DLGAP2: variants seen among roughly 807,000 people sequenced by gnomAD.
DLGAP2 encodes the protein DLG associated protein 2, also known as disks large-associated protein 2.
In DLGAP2, 26 loss-of-function variants were observed where a neutral mutation model predicts 100.3. That is an observed-to-expected ratio of 0.26 (90% CI 0.19 to 0.36). The LOEUF (loss-of-function observed/expected upper bound fraction) is 0.36, where lower values mean the gene tolerates loss of function less well. DLGAP2 is among the 10% of genes least tolerant of loss of function. The pLI, the probability that DLGAP2 is intolerant of heterozygous loss-of-function variation, is 1.00. For missense variants in DLGAP2, 1,858 were observed against 1,453.2 expected, an observed-to-expected ratio of 1.28 and a Z score of -4.53; for synonymous variants, 886 against 630.1, an observed-to-expected ratio of 1.41 and a Z score of -6.08.
intron 3 of DLGAP2, among the ~76,000 whole-genome samples, chr8:1,450,933 C>G (rs61373448): frequency 0.075 from 11,381 of 152,170 alleles, 672 homozygotes; most frequent in East Asian, 0.27. Flanking sequence ...TGTTGCTTCT[C>G]TTTGTATAAT....
At chr8:812,716 A>G (rs1345855620) in intron 1 of DLGAP2, among the ~76,000 whole-genome samples, 1 of 152,208 alleles carries the variant, frequency 6.6e-6, no homozygotes, top group African/African-American at 2.4e-5. Flanking sequence ...AAGCTTTGAT[A>G]AGGACGGGGA....
At position 1,351,621 on chromosome 8, in the gene DLGAP2, C is replaced by T. The variant is rs1431920392; in HGVS notation, c.106+92738C>T. ...CGTCCTGCGTGTGGCGTGGAAAGGC[C>T]GTGCGGGTCCTGAGTGTGCGTGGAA... On this transcript the variant is annotated intron_variant, in intron 3 of 14. Transcript: ENST00000637795. 1.6e-4 allele frequency among the ~76,000 whole-genome samples: 10 copies of T among 62,404 alleles called. 2 individuals carry two copies. The highest frequency in any genetic ancestry group is 2.9e-4 in the Non-Finnish European group (9 of 30,552). The allele number at this position is 62,404 out of a possible 152,430, so 40.9% of individuals were successfully genotyped here.
chr8:1,034,059 C>A (rs868150856), intron 2 of DLGAP2, among the ~76,000 whole-genome samples: 1 of 68,428 alleles, frequency 1.5e-5, no homozygotes, highest in Non-Finnish European at 3.0e-5. Context: ...CGTGTCACCG[C>A]GAGTGGGTTC....
At position 982,883 on chromosome 8, in the gene DLGAP2, A is replaced by ATTT. The variant is rs35686773; in HGVS notation, c.73+74938_73+74940dup. ...ACACTCTAGGAATTTTAAAGGTAGGATTTTTTTTTTTTTTTTTTTTTTTAC... is the reference window on the plus strand; with the variant it reads ...ACACTCTAGGAATTTTAAAGGTAGGATTTTTTTTTTTTTTTTTTTTTTTTTTAC... On this transcript the variant is annotated intron_variant, in intron 2 of 14. Coordinates refer to ENST00000637795, the MANE Select transcript of DLGAP2 (RefSeq NM_001346810.2). Among the ~76,000 whole-genome samples, 153 of 117,284 alleles carry ATTT rather than the reference A, an allele frequency of 1.3e-3. 1 individual carries two copies. The highest frequency in any genetic ancestry group is 4.0e-3 in the African/African-American group (120 of 30,156). The allele number at this position is 117,284 out of a possible 152,430, so 76.9% of individuals were successfully genotyped here.
chr8:972,667 AG>A (rs985649925), intron 2 of DLGAP2, among the ~76,000 whole-genome samples: 29 of 145,682 alleles, frequency 2.0e-4, no homozygotes, highest in African/African-American at 6.4e-4. Context: ...TTTCTCGCAG[AG>A]GGGGATTTGG....
intron 8 of DLGAP2, among the ~76,000 whole-genome samples, chr8:1,634,646 C>T (rs577926681): frequency 2.0e-5 from 3 of 152,164 alleles, no homozygotes; most frequent in Admixed American, 6.5e-5. Flanking sequence ...GAGATCATTA[C>T]TCATACTTTC....
intron 2 of DLGAP2, among the ~76,000 whole-genome samples, chr8:1,000,082 G>T (rs941626170): frequency 1.0e-4 from 15 of 146,842 alleles, no homozygotes; most frequent in Non-Finnish European, 2.2e-4. Context: ...CCGGGTGGAG[G>T]TGGTTTTCTT....
chr8:838,037 A>G (rs944686922), intron 1 of DLGAP2, among the ~76,000 whole-genome samples: 1 of 151,904 alleles, frequency 6.6e-6, no homozygotes, highest in East Asian at 1.9e-4. Context: ...TGAAATTTAT[A>G]TATATTAATA....
At chr8:1,194,496 C>T (rs1168212373) in intron 2 of DLGAP2, among the ~76,000 whole-genome samples, 2 of 152,114 alleles carry the variant, frequency 1.3e-5, no homozygotes, top group Non-Finnish European at 2.9e-5. Flanking sequence ...TCCAGGTCAT[C>T]CCCAGGGGTC....
At chr8:969,557 T>C (rs1799964068) in intron 2 of DLGAP2, among the ~76,000 whole-genome samples, 1 of 151,396 alleles carries the variant, frequency 6.6e-6, no homozygotes. Context: ...AAAAAAAAGA[T>C]ATAAACTTAA....
intron 3 of DLGAP2, among the ~76,000 whole-genome samples, chr8:1,436,715 C>CA (rs1429695583): frequency 4.6e-5 from 7 of 152,100 alleles, no homozygotes; most frequent in Non-Finnish European, 4.4e-5. Flanking sequence ...CGCATTCACT[C>CA]CCCACTCACC....
chr8:1,332,633 G>T (rs552064068), intron 3 of DLGAP2, among the ~76,000 whole-genome samples: 3 of 152,272 alleles, frequency 2.0e-5, no homozygotes, highest in Non-Finnish European at 2.9e-5. Context: ...CAGGTCACAC[G>T]TCTAAGTGAC....
At chr8:939,138 G>A (rs1188567025) in intron 2 of DLGAP2, among the ~76,000 whole-genome samples, 1 of 141,060 alleles carries the variant, frequency 7.1e-6, no homozygotes, top group African/African-American at 2.7e-5. Context: ...GCCTGGGAGT[G>A]GGAGGTGCAG....
At position 1,255,196 on chromosome 8, in the gene DLGAP2, G is replaced by A. The variant is rs369619078; in HGVS notation, c.74-3655G>A. Among the ~76,000 whole-genome samples, 80 of 111,058 alleles carry A rather than the reference G, an allele frequency of 7.2e-4. No homozygotes were observed. The East Asian group carries it at 0.01, about 14-fold the overall frequency. The allele number at this position is 111,058 out of a possible 152,430, so 72.9% of individuals were successfully genotyped here. A position where few individuals can be genotyped will look rare whatever the true frequency, so the allele number is the denominator to read the frequency against. ...GTGTGCCCTCTCATCCTGCCTGGGT[G>A]CTGTGTGTGTGCCCTCTCATCCTGC... On this transcript the variant is annotated intron_variant, in intron 2 of 14. Coordinates refer to ENST00000637795, the MANE Select transcript of DLGAP2 (RefSeq NM_001346810.2).
At chr8:1,382,967 ATACT>A (rs1353274758) in intron 3 of DLGAP2, among the ~76,000 whole-genome samples, 1 of 152,192 alleles carries the variant, frequency 6.6e-6, no homozygotes, top group Non-Finnish European at 1.5e-5. Context: ...ATGAGAAATT[ATACT>A]TACTATGTTA....
chr8:772,347 G>C (rs1821385665), intron 1 of DLGAP2, among the ~76,000 whole-genome samples: 1 of 151,604 alleles, frequency 6.6e-6, no homozygotes, highest in Non-Finnish European at 1.5e-5. Context: ...TTTTGAGACA[G>C]AGTCTTGCTC....
intron 2 of DLGAP2, among the ~76,000 whole-genome samples, chr8:1,003,484 T>C (rs894137119): frequency 7.9e-5 from 12 of 152,252 alleles, no homozygotes; most frequent in Non-Finnish European, 2.9e-5. Context: ...GGCCAAATTG[T>C]TGTCTAACAA....
At chr8:1,392,567 C>G (rs1161182473) in intron 3 of DLGAP2, among the ~76,000 whole-genome samples, 1 of 152,170 alleles carries the variant, frequency 6.6e-6, no homozygotes, top group Non-Finnish European at 1.5e-5. Context: ...CGAAAAGGCC[C>G]AAAATAGACT....
At chr8:772,411 C>T (rs1715884200) in intron 1 of DLGAP2, among the ~76,000 whole-genome samples, 1 of 152,154 alleles carries the variant, frequency 6.6e-6, no homozygotes, top group South Asian at 2.1e-4. Flanking sequence ...CAAGCTCCGC[C>T]TCCCAGGTTC....
Sources: gnomAD v4.1 joint callset for allele counts (sites outside exome capture counted in the v4.1 genomes callset) on GRCh38, gnomAD v4.1.1 for gene constraint, MANE v1.5 for transcripts, NCBI Gene and HGNC (gene_info 2026-07-23, HGNC 2026-07-21) for gene names.